Variants in ARNT2 observed in about 807,000 individuals in gnomAD.
ARNT2 encodes the protein ARNT protein 2.
Under a neutral mutation model 91.7 loss-of-function variants are expected in ARNT2, and 36 were observed. The observed-to-expected ratio is 0.39, with a 90% CI of 0.30 to 0.52. The LOEUF (loss-of-function observed/expected upper bound fraction) is 0.52, where lower values mean the gene tolerates loss of function less well. Ranked by LOEUF, ARNT2 falls within the 20% of genes least tolerant of loss-of-function variation. The pLI is 0.72. For synonymous variants in ARNT2, 365 were observed against 347.1 expected (o/e 1.05, Z -0.57); for missense variants, 775 against 939.3 (o/e 0.83, Z 2.29).
intron 12 of ARNT2, among the ~76,000 whole-genome samples, chr15:80,570,836 C>T (rs992747873): frequency 2.0e-5 from 3 of 152,116 alleles, no homozygotes; most frequent in African/African-American, 7.2e-5. Flanking sequence ...AGTCTGTCCC[C>T]GGTGCCTGGC....
chr15:80,513,572 G>A (rs1419970951), intron 6 of ARNT2, among the ~76,000 whole-genome samples: 2 of 152,102 alleles, frequency 1.3e-5, no homozygotes, highest in Non-Finnish European at 2.9e-5. Context: ...TTTCCTAAAA[G>A]CCATGGAGTT....
chr15:80,549,977 C>G (rs1898054544), intron 8 of ARNT2, among the ~76,000 whole-genome samples: 1 of 152,160 alleles, frequency 6.6e-6, no homozygotes, highest in Non-Finnish European at 1.5e-5. Flanking sequence ...TTGAATAAAT[C>G]ATGGCACATC....
chr15:80,415,308 A>T (rs1895762055), intron 1 of ARNT2, among the ~76,000 whole-genome samples: 1 of 152,198 alleles, frequency 6.6e-6, no homozygotes, highest in Non-Finnish European at 1.5e-5. Flanking sequence ...TTGCTTATCC[A>T]CCTAATTAAA....
chr15:80,462,035 C>T (rs1401790284), intron 3 of ARNT2, among the ~76,000 whole-genome samples: 1 of 152,134 alleles, frequency 6.6e-6, no homozygotes, highest in South Asian at 2.1e-4. Context: ...AGGTCGGCAC[C>T]AGTCCCTCCC....
intron 1 of ARNT2, chr15:80,445,208 G>A (rs955515918): frequency 1.3e-5 from 2 of 151,408 alleles, no homozygotes; most frequent in African/African-American, 4.9e-5. Context: ...TGAGTGTTGT[G>A]TATGTGTGTT....
intron 4 of ARNT2, among the ~76,000 whole-genome samples, chr15:80,473,596 C>T (rs552959623): frequency 1.9e-4 from 29 of 152,226 alleles, no homozygotes; most frequent in South Asian, 1.7e-3. Flanking sequence ...ATCTAGGTGA[C>T]GCAGAACAGC....
chr15:80,427,147 T>A (rs1273727686), intron 1 of ARNT2, among the ~76,000 whole-genome samples: 1 of 152,162 alleles, frequency 6.6e-6, no homozygotes, highest in East Asian at 1.9e-4. Flanking sequence ...GTGACCCGTG[T>A]TTGGGGCAAT....
intron 1 of ARNT2, among the ~76,000 whole-genome samples, chr15:80,424,219 C>CTG (rs1287080938): frequency 6.6e-6 from 1 of 152,176 alleles, no homozygotes; most frequent in Non-Finnish European, 1.5e-5. Context: ...GCCGCAAGGA[C>CTG]TGTGGGTGAG....
At position 80,576,954 on chromosome 15, in the gene ARNT2, G is replaced by A. The variant is rs1403307816; in HGVS notation, c.1602G>A (p.Gly534=). The part of the protein sequence containing the change: ...QGSPFPSGHS[G]KAFSSSVVHV... ...GCCCATTTCCCTCTGGACACTCCGG[G>A]AAGGCCTTCAGGTATGTGCCAGCGA... Residue 534 remains glycine, a synonymous_variant, in exon 15 of 19, where the codon GGG becomes GGA. Transcript: ENST00000303329. The A allele has an allele frequency of 6.2e-7, 1 of 1,614,038 alleles. No homozygotes were observed. The highest frequency in any genetic ancestry group is 8.5e-7 in the Non-Finnish European group (1 of 1,180,018).
intron 5 of ARNT2, among the ~76,000 whole-genome samples, chr15:80,496,876 A>C (rs1451767412): frequency 6.6e-6 from 1 of 152,214 alleles, no homozygotes; most frequent in Non-Finnish European, 1.5e-5. Flanking sequence ...AGGAGTTGTA[A>C]CTGGGCCACT....
At chr15:80,512,808 G>A (rs759392559) in intron 6 of ARNT2, among the ~76,000 whole-genome samples, 7 of 152,192 alleles carry the variant, frequency 4.6e-5, no homozygotes, top group Non-Finnish European at 8.8e-5. Flanking sequence ...CTGCCCTAGT[G>A]TCCTTCCAGG....
At chr15:80,554,535 CTT>C (rs1224022118) in intron 10 of ARNT2, 1 of 153,078 alleles carries the variant, frequency 6.5e-6, no homozygotes, top group Non-Finnish European at 1.5e-5. Context: ...GTGAAACACA[CTT>C]TTGTTTTGGG....
intron 8 of ARNT2, among the ~76,000 whole-genome samples, chr15:80,535,938 A>G (rs1275541285): frequency 6.6e-6 from 1 of 151,858 alleles, no homozygotes; most frequent in Non-Finnish European, 1.5e-5. Context: ...ATGTCTTTTT[A>G]TGTAAGGATT....
At chr15:80,410,081 G>C (rs1895658998) in intron 1 of ARNT2, among the ~76,000 whole-genome samples, 1 of 152,196 alleles carries the variant, frequency 6.6e-6, no homozygotes, top group Non-Finnish European at 1.5e-5. Flanking sequence ...TGCTGCTTCT[G>C]GCTGCTGTGT....
At chr15:80,559,461 G>A (rs998600738) in intron 11 of ARNT2, among the ~76,000 whole-genome samples, 1 of 152,210 alleles carries the variant, frequency 6.6e-6, no homozygotes, top group Non-Finnish European at 1.5e-5. Context: ...CAGCCAAGGT[G>A]GGGGTCAAAT....
chr15:80,588,803 T>C (rs1245691597), intron 17 of ARNT2, among the ~76,000 whole-genome samples: 1 of 152,194 alleles, frequency 6.6e-6, no homozygotes, highest in African/African-American at 2.4e-5. Context: ...GCTAGTTAGG[T>C]ATCCCTCGTA....
At chr15:80,430,047 C>T (rs762327825) in intron 1 of ARNT2, among the ~76,000 whole-genome samples, 2 of 152,162 alleles carry the variant, frequency 1.3e-5, no homozygotes, top group Non-Finnish European at 2.9e-5. Context: ...TGAGGCCCCA[C>T]CAGCGGTTAC....
intron 5 of ARNT2, among the ~76,000 whole-genome samples, chr15:80,502,697 G>A (rs541955473): frequency 7.6e-4 from 115 of 152,306 alleles, no homozygotes; most frequent in African/African-American, 2.7e-3. Context: ...TTTCTACTGA[G>A]GCAGGGAGTT....
intron 12 of ARNT2, among the ~76,000 whole-genome samples, chr15:80,564,038 A>G (rs573809090): frequency 6.6e-6 from 1 of 152,322 alleles, no homozygotes; most frequent in South Asian, 2.1e-4. Context: ...ACATTTGGAC[A>G]AAAGGATGTC....
Sources: gnomAD v4.1 joint callset for allele counts (sites outside exome capture counted in the v4.1 genomes callset) on GRCh38, gnomAD v4.1.1 for gene constraint, MANE v1.5 for transcripts, NCBI Gene and HGNC (gene_info 2026-07-23, HGNC 2026-07-21) for gene names.